ATAD5: variants seen among roughly 807,000 people sequenced by gnomAD.
ATAD5 encodes the protein ATPase family AAA domain containing 5.
Under a neutral mutation model 176.9 loss-of-function variants are expected in ATAD5, and 58 were observed. The ratio of observed to expected loss-of-function variants is 0.33; its 90% confidence interval spans 0.27 to 0.41. The LOEUF (loss-of-function observed/expected upper bound fraction) is 0.41. ATAD5 is among the 10% of genes least tolerant of loss of function. ATAD5 has a pLI of 1.00. For synonymous variants in ATAD5, 640 were observed against 712.6 expected (o/e 0.90, Z 1.62); for missense variants, 1,789 against 2,094.1 (o/e 0.85, Z 2.84).
rs775276466 is a variant in ATAD5, at chr17:30,834,624, T to A, written c.543T>A (p.Thr181=). 3.7e-6 allele frequency: 6 copies of A among 1,611,462 alleles called. No homozygotes were observed. The highest frequency in any genetic ancestry group is 5.1e-6 in the Non-Finnish European group (6 of 1,179,432). Residue 181 remains threonine, a synonymous_variant, in exon 2 of 23, where the codon ACT becomes ACA. Transcript: ENST00000321990. The part of the protein sequence containing the change: ...NIQDTKSQPN[T]MTSLQNSKKV... ...AAGATACAAAAAGTCAACCAAATAC[T>A]ATGACCTCCCTGCAAAATTCTAAAA...
At chr17:30,844,218 A>C (rs9908456) in intron 5 of ATAD5, among the ~76,000 whole-genome samples, 179 bp downstream of exon 5, 15,984 of 151,952 alleles carry the variant, frequency 0.11, 955 homozygotes, top group South Asian at 0.24. Flanking sequence ...TGCAGCCTCC[A>C]CCTCCTAAGT....
At position 30,834,891 on chromosome 17, in the gene ATAD5, T is replaced by G; in HGVS notation, c.810T>G (p.Phe270Leu). The change falls in exon 2 of 23, where the codon TTT (phenylalanine) becomes TTG (leucine). Residue 270 changes from phenylalanine (F) to leucine (L), a missense_variant. Coordinates refer to ENST00000321990, the MANE Select transcript of ATAD5 (RefSeq NM_024857.5). ...TAATAACTGTCTCATATGAGGAATT[T>G]TTAAAAAGTCACAAGGAAAATAAAG... ...DSIITVSYEE[F>L]LKSHKENKVE... is the part of the protein sequence containing the mutation. The G allele has an allele frequency of 6.2e-7, 1 of 1,613,708 alleles. No homozygotes were observed. Among genetic ancestry groups the G allele is most frequent in the Non-Finnish European group, 8.5e-7 (1 of 1,179,926 alleles).
intron 19 of ATAD5, among the ~76,000 whole-genome samples, chr17:30,891,967 A>G (rs1909661862): frequency 2.0e-5 from 3 of 151,894 alleles, no homozygotes; most frequent in African/African-American, 7.3e-5. Context: ...TCAGCCTCCC[A>G]AAGTGCTGGG....
chr17:30,887,438 T>C (rs1597998108), intron 19 of ATAD5, 66 bp downstream of exon 19: 3 of 1,359,606 alleles, frequency 2.2e-6, no homozygotes, highest in East Asian at 2.4e-5. Flanking sequence ...GTGCTATGGC[T>C]GGGTGCAGTG....
intron 12 of ATAD5, among the ~76,000 whole-genome samples, chr17:30,869,012 T>A (rs1908178249): frequency 6.6e-6 from 1 of 151,624 alleles, no homozygotes; most frequent in Non-Finnish European, 1.5e-5. Flanking sequence ...AATTTTTGTA[T>A]TTTTAGTAGA....
At position 30,862,308 on chromosome 17, in the gene ATAD5, C is replaced by T. The variant is rs1016447934; in HGVS notation, c.3136+1696C>T. 2.7e-5 allele frequency among the ~76,000 whole-genome samples: 4 copies of T among 150,304 alleles called. No individual in the cohort carries two copies. The East Asian group carries it at 6.0e-4, about 23-fold the overall frequency. ...AAGATCTCGCCACTGCACTCCAGCCCAGGAGACAGAGCAAGACTCCGTCTA... is the reference window on the plus strand; with the variant it reads ...AAGATCTCGCCACTGCACTCCAGCCTAGGAGACAGAGCAAGACTCCGTCTA... On this transcript the variant is annotated intron_variant, in intron 10 of 22. Coordinates refer to ENST00000321990, the MANE Select transcript of ATAD5 (RefSeq NM_024857.5).
intron 6 of ATAD5, among the ~76,000 whole-genome samples, chr17:30,851,536 G>A (rs1022026506): frequency 4.0e-5 from 6 of 151,532 alleles, no homozygotes; most frequent in Non-Finnish European, 8.8e-5. Flanking sequence ...GCCAGGCATA[G>A]TGGCTCACAC....
chr17:30,873,710 A>T (rs1160375501), intron 14 of ATAD5, among the ~76,000 whole-genome samples: 1 of 118,260 alleles, frequency 8.5e-6, no homozygotes, highest in African/African-American at 4.3e-5. Context: ...TTTTTTTGAA[A>T]AGACGGGGTC....
chr17:30,835,900 G>A lies in ATAD5; in HGVS notation c.1819G>A (p.Glu607Lys). The A allele has an allele frequency of 6.2e-7, 1 of 1,614,090 alleles. No individual in the cohort carries two copies. The highest frequency in any genetic ancestry group is 1.1e-5 in the South Asian group (1 of 91,068). The change falls in exon 2 of 23, where the codon GAA (glutamate) becomes AAA (lysine). Residue 607 changes from glutamate (E) to lysine (K), a missense_variant. Transcript: ENST00000321990. ...SGRISSTPTT[E>K]TIRGIDSDDV... ...AAGAATTAGCAGCACACCTACTACA[G>A]AAACCATTAGAGGTATTGATTCTGA... is the stretch of plus-strand genomic sequence containing the variant.
intron 15 of ATAD5, among the ~76,000 whole-genome samples, 183 bp downstream of exon 15, chr17:30,876,733 GAC>G (rs1382586638): frequency 5.8e-5 from 5 of 86,008 alleles, no homozygotes; most frequent in African/African-American, 2.3e-4. Context: ...TTTTTTTTGA[GAC>G]AGAGTCTTGC....
chr17:30,865,863 C>T (rs375718086), intron 11 of ATAD5, 63 bp downstream of exon 11: 8 of 1,123,552 alleles, frequency 7.1e-6, no homozygotes, highest in Non-Finnish European at 8.8e-6. Flanking sequence ...GTTTTTGTTT[C>T]GAAATTGTAG....
At chr17:30,842,270 AAAATAAATAAAT>A (rs142388314) in intron 4 of ATAD5, among the ~76,000 whole-genome samples, 3 of 150,398 alleles carry the variant, frequency 2.0e-5, no homozygotes, top group South Asian at 2.1e-4. Context: ...CTCCATCTCA[AAAATAAATAAAT>A]AAATAAATAA....
At chr17:30,850,877 T>A (rs1201325373) in intron 6 of ATAD5, among the ~76,000 whole-genome samples, 317 of 31,074 alleles carry the variant, frequency 0.01, no homozygotes, top group East Asian at 0.014. Context: ...ATATTTTTTT[T>A]TTTTTTTTTT....
Position 30,874,577 on chromosome 17 carries a change from G to C in ATAD5, c.3608-1797G>C, listed in dbSNP as rs1007252225. On this transcript the variant is annotated intron_variant, in intron 14 of 22. Coordinates refer to ENST00000321990, the MANE Select transcript of ATAD5 (RefSeq NM_024857.5). ...AAAAAAAAAAAAAAGAGGAAAAAAT[G>C]GTGTTTTTTATAAATTGATATCTGT... 2.7e-5 allele frequency among the ~76,000 whole-genome samples: 4 copies of C among 146,360 alleles called. No individual in the cohort carries two copies. In the South Asian group the frequency reaches 6.7e-4, roughly 24 times the overall value.
chr17:30,889,937 T>G (rs1266805556), intron 19 of ATAD5, among the ~76,000 whole-genome samples: 1 of 144,270 alleles, frequency 6.9e-6, no homozygotes, highest in African/African-American at 2.6e-5. Context: ...TTGCCCAGGC[T>G]GGAGTGCAGT....
At chr17:30,837,888 A>C (rs995170330) in intron 3 of ATAD5, among the ~76,000 whole-genome samples, 1 of 152,200 alleles carries the variant, frequency 6.6e-6, no homozygotes. Flanking sequence ...AGTCTGTAAC[A>C]CTGCCTATAG....
intron 6 of ATAD5, among the ~76,000 whole-genome samples, chr17:30,852,891 CTTT>C (rs534378483): frequency 4.2e-5 from 6 of 141,584 alleles, no homozygotes; most frequent in Admixed American, 7.1e-5. Context: ...ATATTTCTTT[CTTT>C]TTTTTTTTTT....
At chr17:30,860,640 A>G (rs1487284859) in intron 10 of ATAD5, 28 bp downstream of exon 10, 10 of 1,516,568 alleles carry the variant, frequency 6.6e-6, no homozygotes, top group South Asian at 1.4e-5. Flanking sequence ...TCCCAAAAGA[A>G]ATAGATTGCT....
rs1233700446 is a variant in ATAD5 at position 30,834,348 on chromosome 17, A to C, written c.267A>C (p.Ser89=). 2 of 1,611,290 alleles carry C rather than the reference A, an allele frequency of 1.2e-6. No homozygotes were observed. The highest frequency in any genetic ancestry group is 8.5e-7 in the Non-Finnish European group (1 of 1,179,116). Residue 89 remains serine (S), a synonymous_variant, in exon 2 of 23, where the codon TCA becomes TCC. Transcript: ENST00000321990. ...AGTGCAAGATAAAGTCACCTGAATC[A>C]GTACCTGTTGACAGCAACAAAGACT... ...GKECKIKSPE[S]VPVDSNKDCT...
Sources: allele counts gnomAD v4.1 joint callset (sites outside exome capture counted in the v4.1 genomes callset), GRCh38; gene constraint gnomAD v4.1.1; transcripts MANE v1.5; gene names NCBI Gene and HGNC (gene_info 2026-07-23, HGNC 2026-07-21).